Variants in CSMD1 observed in about 807,000 individuals in gnomAD.
CSMD1 encodes CUB and Sushi multiple domains 1.
Under a neutral mutation model 417.5 loss-of-function variants are expected in CSMD1, and 213 were observed. That is an observed-to-expected ratio of 0.51 (90% CI 0.46 to 0.57). The LOEUF is 0.57. CSMD1 is among the 20% of genes least tolerant of loss of function. The probability of loss-of-function intolerance (pLI) is 0.00; values close to 1 mark genes in which losing one functional copy is unlikely to be tolerated. For missense variants in CSMD1, 6,923 were observed against 4,529.7 expected, an observed-to-expected ratio of 1.53 and a Z score of -15.17; for synonymous variants, 2,862 against 1,736.8, an observed-to-expected ratio of 1.65 and a Z score of -16.11.
At chr8:4,119,285 C>T (rs1182446818) in intron 3 of CSMD1, among the ~76,000 whole-genome samples, 2 of 152,082 alleles carry the variant, frequency 1.3e-5, no homozygotes, top group Non-Finnish European at 1.5e-5. Context: ...CAAATGGAAA[C>T]AACCCAAATC....
chr8:3,637,293 G>A (rs1390537168), intron 7 of CSMD1, among the ~76,000 whole-genome samples: 7 of 152,048 alleles, frequency 4.6e-5, no homozygotes, highest in Admixed American at 3.3e-4. Context: ...TGTATGCTTG[G>A]GGGAGTTTCA....
chr8:4,014,622 A>G (rs1315811338), intron 4 of CSMD1, among the ~76,000 whole-genome samples: 2 of 152,220 alleles, frequency 1.3e-5, no homozygotes, highest in African/African-American at 4.8e-5. Context: ...TATTAGCCCA[A>G]CTTAACAAAT....
intron 24 of CSMD1, 114 bp downstream of exon 24, chr8:3,308,198 C>G (rs557574219): frequency 2.5e-6 from 2 of 805,708 alleles, no homozygotes; most frequent in South Asian, 2.0e-5. Flanking sequence ...AAAACTCACA[C>G]TGGAAAGTGT....
intron 3 of CSMD1, among the ~76,000 whole-genome samples, chr8:4,291,952 T>G (rs996377268): frequency 6.6e-6 from 1 of 152,170 alleles, no homozygotes; most frequent in African/African-American, 2.4e-5. Flanking sequence ...GCAGGGAGCC[T>G]GGTGTCCAGA....
At chr8:4,931,253 A>T (rs1045806965) in intron 1 of CSMD1, among the ~76,000 whole-genome samples, 1 of 152,154 alleles carries the variant, frequency 6.6e-6, no homozygotes, top group African/African-American at 2.4e-5. Flanking sequence ...TTCAATTTTA[A>T]CATTTCTGTG....
chr8:4,028,602 G>T (rs1479471012), intron 4 of CSMD1, among the ~76,000 whole-genome samples: 1 of 152,158 alleles, frequency 6.6e-6, no homozygotes, highest in Non-Finnish European at 1.5e-5. Flanking sequence ...ACTTGCAGTG[G>T]AGCCTGTAAA....
At chr8:4,713,374 T>TTTTTGTTTTGTTTTGTTTTG (rs56295432) in intron 1 of CSMD1, among the ~76,000 whole-genome samples, 11 of 148,128 alleles carry the variant, frequency 7.4e-5, no homozygotes, top group Middle Eastern at 6.8e-3. Flanking sequence ...CAGCTTTGTG[T>TTTTTGTTTTGTTTTGTTTTG]TTTTGTTTTG....
intron 54 of CSMD1, among the ~76,000 whole-genome samples, chr8:2,981,919 C>A (rs1408127518): frequency 6.6e-6 from 1 of 152,108 alleles, no homozygotes; most frequent in Non-Finnish European, 1.5e-5. Context: ...AGTTGCACCC[C>A]ACCCCTTTTT....
chr8:3,694,258 G>A (rs894699880), intron 7 of CSMD1, among the ~76,000 whole-genome samples: 1 of 152,086 alleles, frequency 6.6e-6, no homozygotes, highest in East Asian at 1.9e-4. Flanking sequence ...TCCAGGAAGA[G>A]CCTGGTCATG....
At chr8:3,628,931 G>A (rs985729397) in intron 7 of CSMD1, among the ~76,000 whole-genome samples, 1 of 151,966 alleles carries the variant, frequency 6.6e-6, no homozygotes, top group Non-Finnish European at 1.5e-5. Context: ...GGAATAAAAA[G>A]AGTAGGAATG....
chr8:3,412,055 TAC>T lies in CSMD1; in HGVS notation c.1562-2452_1562-2451del, dbSNP rs1289057873. ...ATATACACATATATACACGTATATATACACACGTATATATACATATATACATA... is the reference window on the plus strand; with the variant it reads ...ATATACACATATATACACGTATATATACACGTATATATACATATATACATA... On this transcript the variant is annotated intron_variant, in intron 12 of 69. Transcript: ENST00000635120. Among the ~76,000 whole-genome samples the T allele has an allele frequency of 4.0e-3, 332 of 82,532 alleles. 70 individuals carry two copies. Among genetic ancestry groups the T allele is most frequent in the South Asian group, 9.5e-3 (22 of 2,306 alleles). The allele number at this position is 82,532 out of a possible 152,430, so 54.1% of individuals were successfully genotyped here.
chr8:3,981,639 T>C (rs1357567183), intron 5 of CSMD1, among the ~76,000 whole-genome samples: 2 of 152,174 alleles, frequency 1.3e-5, no homozygotes, highest in Non-Finnish European at 2.9e-5. Context: ...TGAGTTGTCT[T>C]TTAATTATGT....
At chr8:4,126,150 T>C (rs2130959780) in intron 3 of CSMD1, among the ~76,000 whole-genome samples, 2 of 152,208 alleles carry the variant, frequency 1.3e-5, no homozygotes, top group African/African-American at 4.8e-5. Flanking sequence ...CAGTCAGCAC[T>C]ACCCACTTCC....
intron 3 of CSMD1, among the ~76,000 whole-genome samples, chr8:4,238,871 A>T (rs1802223025): frequency 1.3e-5 from 2 of 152,250 alleles, no homozygotes; most frequent in Middle Eastern, 3.4e-3. Flanking sequence ...AGCAAATGCA[A>T]TTTTTTTAGC....
rs1313535060 is a variant in CSMD1, at chr8:4,181,871, G to C, written c.416-149772C>G. 2.6e-5 allele frequency among the ~76,000 whole-genome samples: 4 copies of C among 152,076 alleles called. No individual in the cohort carries two copies. In the South Asian group the frequency reaches 6.2e-4, roughly 24 times the overall value. Reference sequence around the variant, plus strand: ...TGATAAATTCTCCTTTAGCCTAGTTGATTATAACATGATTTCACAGTGATA... The same window carrying C: ...TGATAAATTCTCCTTTAGCCTAGTTCATTATAACATGATTTCACAGTGATA... On this transcript the variant is annotated intron_variant, in intron 3 of 69. Transcript: ENST00000635120.
chr8:3,910,926 A>G (rs1808417154), intron 5 of CSMD1, among the ~76,000 whole-genome samples: 1 of 152,228 alleles, frequency 6.6e-6, no homozygotes, highest in Non-Finnish European at 1.5e-5. Context: ...CAGAACTGTT[A>G]TTAGCTTGAT....
intron 50 of CSMD1, among the ~76,000 whole-genome samples, chr8:3,030,422 C>G (rs558275658): frequency 2.6e-5 from 4 of 151,904 alleles, no homozygotes; most frequent in African/African-American, 4.8e-5. Flanking sequence ...GAAGAATTAA[C>G]TGGAGAGACT....
At chr8:3,258,956 G>C (rs1800858642) in intron 26 of CSMD1, among the ~76,000 whole-genome samples, 1 of 152,212 alleles carries the variant, frequency 6.6e-6, no homozygotes, top group Non-Finnish European at 1.5e-5. Context: ...TGGAAAGTGA[G>C]AAAAGGGAGA....
chr8:3,507,015 T>C (rs1275887436), intron 10 of CSMD1, among the ~76,000 whole-genome samples: 1 of 152,202 alleles, frequency 6.6e-6, no homozygotes, highest in Non-Finnish European at 1.5e-5. Context: ...ATACAAGATG[T>C]TGTAAGAATT....
Sources: gnomAD v4.1 joint callset for allele counts (sites outside exome capture counted in the v4.1 genomes callset) on GRCh38, gnomAD v4.1.1 for gene constraint, MANE v1.5 for transcripts, NCBI Gene and HGNC (gene_info 2026-07-23, HGNC 2026-07-21) for gene names.